The following STAC2 variants were observed in gnomAD, a reference collection of about 807,000 sequenced individuals.
STAC2 encodes SH3 and cysteine rich domain 2, also known as SH3 and cysteine-rich domain-containing protein 2.
Under a neutral mutation model 49.0 loss-of-function variants are expected in STAC2, and 36 were observed. The observed-to-expected ratio is 0.74, with a 90% CI of 0.56 to 0.97. The LOEUF (loss-of-function observed/expected upper bound fraction) is 0.97. STAC2 is among the 50% of genes least tolerant of loss of function. The pLI is 0.00. For missense variants in STAC2, 527 were observed against 543.8 expected (o/e 0.97, Z 0.31); for synonymous variants, 239 against 214.7 (o/e 1.11, Z -0.99).
Position 39,217,967 on chromosome 17 carries a change from T to C in STAC2, c.297A>G (p.Pro99=). 6.3e-7 allele frequency: 1 copy of C among 1,583,202 alleles called. No homozygotes were observed. The highest frequency in any genetic ancestry group is 8.6e-7 in the Non-Finnish European group (1 of 1,166,210). The change falls in exon 2 of 11, where the codon CCA becomes CCG. Residue 99 remains proline (P), a synonymous_variant. Coordinates refer to ENST00000333461, the MANE Select transcript of STAC2 (RefSeq NM_198993.5). ...ATPSPSPCPV[P]RPLAALKPVR... ...CTGGTTTGAGCGCTGCCAGGGGGCG[T>C]GGGACTGGGCATGGGGAGGGGGATG...
intron 1 of STAC2, among the ~76,000 whole-genome samples, chr17:39,224,763 C>G (rs754518651): frequency 8.5e-5 from 13 of 152,202 alleles, no homozygotes; most frequent in Non-Finnish European, 5.9e-5. Flanking sequence ...CCGCAGGCCC[C>G]CGTCCTCGCC....
intron 4 of STAC2, among the ~76,000 whole-genome samples, chr17:39,216,047 C>T (rs546231172): frequency 7.2e-5 from 11 of 152,316 alleles, no homozygotes; most frequent in Admixed American, 4.6e-4. Flanking sequence ...CTCTGCCCCA[C>T]ACCAGTCTTT....
chr17:39,218,938 G>T (rs1756361366), intron 1 of STAC2, among the ~76,000 whole-genome samples: 2 of 151,976 alleles, frequency 1.3e-5, no homozygotes, highest in South Asian at 2.1e-4. Context: ...TCATCCTTGG[G>T]ACTGATTCTC....
chr17:39,214,320 G>A lies in STAC2; in HGVS notation c.854C>T (p.Ala285Val), dbSNP rs771623310. 9 of 1,613,938 alleles carry A rather than the reference G, an allele frequency of 5.6e-6. No individual in the cohort carries two copies. In the East Asian group the frequency reaches 2.0e-4, roughly 36 times the overall value. Residue 285 changes from alanine (A) to valine (V), a missense_variant, in exon 8 of 11, where the codon GCC becomes GTC. Physicochemically the swap from Ala to Val is moderately conservative, Grantham distance 64. Transcript: ENST00000333461. ...GGGCCCCACATCCTTCCGCAGGGTG[G>A]CTTTGGGGAGCTGCGGGAGAATCTC... ...EKSPGQQLPK[A>V]TLRKDVGPMY...
At chr17:39,219,977 C>T (rs8081631) in intron 1 of STAC2, among the ~76,000 whole-genome samples, 2,466 of 152,236 alleles carry the variant, frequency 0.016, 60 homozygotes, top group African/African-American at 0.055. Context: ...CACCAGCCTC[C>T]GGGAGGCCAG....
At chr17:39,220,591 C>T (rs1200903977) in intron 1 of STAC2, among the ~76,000 whole-genome samples, 1 of 151,816 alleles carries the variant, frequency 6.6e-6, no homozygotes, top group Non-Finnish European at 1.5e-5. Context: ...TCTCCTGCCT[C>T]AGCCTCCCAA....
At chr17:39,213,269 C>T (rs577583712) in intron 9 of STAC2, 137 bp from the exon 10 acceptor site, 5 of 1,456,476 alleles carry the variant, frequency 3.4e-6, no homozygotes, top group Non-Finnish European at 4.6e-6. Flanking sequence ...TTCCAGCCCC[C>T]AGCCAGGTGG....
Position 39,218,099 on chromosome 17 carries a change from G to T in STAC2, c.165C>A (p.Arg55=), listed in dbSNP as rs776774536. The change falls in exon 2 of 11, where the codon CGC becomes CGA. Residue 55 remains arginine (R), a synonymous_variant. Transcript: ENST00000333461. Reference sequence around the variant, plus strand: ...TGGGGCACTTGAGCTCAGAGCCCGAGCGAAGGAAGAAGTTCTCCAAGCTCT... The same window carrying T: ...TGGGGCACTTGAGCTCAGAGCCCGATCGAAGGAAGAAGTTCTCCAAGCTCT... ...RSKSLENFFL[R]SGSELKCPTE... 9.3e-6 allele frequency: 15 copies of T among 1,613,136 alleles called. No individual in the cohort carries two copies. The highest frequency in any genetic ancestry group is 1.3e-5 in the Non-Finnish European group (15 of 1,180,034).
chr17:39,214,646 C>T, intron 7 of STAC2, 145 bp downstream of exon 7: 1 of 1,160,398 alleles, frequency 8.6e-7, no homozygotes, highest in Non-Finnish European at 1.2e-6. Context: ...GCCCTCTCAT[C>T]CTGGCATTGC....
rs768435630 is a variant in STAC2 at position 39,217,072 on chromosome 17, T to C, written c.495+4A>G. ...TGGCCATCTCTGCCTGGGTCCCCGC[T>C]CACCGTCTTGCCTGGGCATTGCTGG... On this transcript the variant is annotated splice_donor_region_variant and intron_variant, in intron 3 of 10. Coordinates refer to ENST00000333461, the MANE Select transcript of STAC2 (RefSeq NM_198993.5). 1.2e-6 allele frequency: 2 copies of C among 1,613,826 alleles called. No homozygotes were observed. Among genetic ancestry groups the C allele is most frequent in the Non-Finnish European group, 1.7e-6 (2 of 1,179,796 alleles).
intron 8 of STAC2, 84 bp from the exon 9 acceptor site, chr17:39,213,642 C>CACTG: frequency 9.0e-7 from 1 of 1,105,566 alleles, no homozygotes; most frequent in Non-Finnish European, 1.4e-6. Flanking sequence ...ACCTGGGGGA[C>CACTG]ACTGCAGTCC....
At chr17:39,217,336 C>G (rs1264471920) in intron 2 of STAC2, among the ~76,000 whole-genome samples, 163 bp from the exon 3 acceptor site, 1 of 152,100 alleles carries the variant, frequency 6.6e-6, no homozygotes. Context: ...AGCACGGAAG[C>G]CAGAGTCGTT....
At chr17:39,216,930 A>T in intron 3 of STAC2, 30 bp from the exon 4 acceptor site, 1 of 1,586,418 alleles carries the variant, frequency 6.3e-7, no homozygotes, top group Non-Finnish European at 8.6e-7. Context: ...AGAGGTTTTG[A>T]GGAGGTCATG....
intron 1 of STAC2, among the ~76,000 whole-genome samples, chr17:39,224,308 C>A (rs188537426): frequency 2.0e-5 from 3 of 152,302 alleles, no homozygotes; most frequent in African/African-American, 7.2e-5. Context: ...AGGATGGGAA[C>A]AAAATACCGG....
chr17:39,221,687 C>T (rs1424189272), intron 1 of STAC2, among the ~76,000 whole-genome samples: 1 of 152,206 alleles, frequency 6.6e-6, no homozygotes, highest in African/African-American at 2.4e-5. Context: ...CCCAAAGCAC[C>T]AGGAGCATCC....
rs1295501526 is a variant in STAC2, at chr17:39,212,249, C to G, written c.*43G>C. 1 of 1,466,902 alleles carries G rather than the reference C, an allele frequency of 6.8e-7. No homozygotes were observed. Among genetic ancestry groups the G allele is most frequent in the Non-Finnish European group, 9.4e-7 (1 of 1,060,654 alleles). 90.9% of individuals were successfully genotyped at this position (1,466,902 alleles called of 1,614,324 possible). ...TCCCCTCCCTGGCCAGAAGCAAGGTCCAGGCATGGGCAAGGGTGTCATCTG... is the reference window on the plus strand; with the variant it reads ...TCCCCTCCCTGGCCAGAAGCAAGGTGCAGGCATGGGCAAGGGTGTCATCTG... On this transcript the variant is annotated 3_prime_UTR_variant, in exon 11 of 11. Coordinates refer to ENST00000333461, the MANE Select transcript of STAC2 (RefSeq NM_198993.5).
rs758367831 is a variant in STAC2 at position 39,217,060 on chromosome 17, C to G, written c.495+16G>C. 17 of 1,613,510 alleles carry G rather than the reference C, an allele frequency of 1.1e-5. No homozygotes were observed. The highest frequency in any genetic ancestry group is 1.3e-5 in the Non-Finnish European group (15 of 1,179,668). On this transcript the variant is annotated intron_variant, in intron 3 of 10. Transcript: ENST00000333461. ...GCAGCACTCAGCTGGCCATCTCTGC[C>G]TGGGTCCCCGCTCACCGTCTTGCCT...
Position 39,218,039 on chromosome 17 carries a change from G to T in STAC2, c.225C>A (p.Pro75=). The T allele has an allele frequency of 6.2e-7, 1 of 1,602,124 alleles. No individual in the cohort carries two copies. The highest frequency in any genetic ancestry group is 8.5e-7 in the Non-Finnish European group (1 of 1,175,372). The stretch of plus-strand genomic sequence containing the variant: ...AGGCTGTGGGTGGTGGGGAGGGAGG[G>T]GGCAGTGGGGTTGGGGGCGTCAGCA... ...EVLLTPPTPL[P]PPSPPPTASD... The change falls in exon 2 of 11, where the codon CCC becomes CCA. Residue 75 remains proline (P), a synonymous_variant. Transcript: ENST00000333461.
chr17:39,217,203 G>A, intron 2 of STAC2, 30 bp from the exon 3 acceptor site: 2 of 1,606,048 alleles, frequency 1.2e-6, no homozygotes, highest in Non-Finnish European at 1.7e-6. Context: ...AGCAATTGAG[G>A]ACACCCCCGT....
Sources: gnomAD v4.1 joint callset for allele counts (sites outside exome capture counted in the v4.1 genomes callset) on GRCh38, gnomAD v4.1.1 for gene constraint, MANE v1.5 for transcripts, NCBI Gene and HGNC (gene_info 2026-07-23, HGNC 2026-07-21) for gene names.